GLCCI1: variants seen among roughly 807,000 people sequenced by gnomAD.
GLCCI1 encodes glucocorticoid induced 1.
In GLCCI1, 24 loss-of-function variants were observed where a neutral mutation model predicts 52.2. The ratio of observed to expected loss-of-function variants is 0.46; its 90% CI spans 0.33 to 0.65. The LOEUF (loss-of-function observed/expected upper bound fraction) is 0.65, where lower values mean the gene tolerates loss of function less well. Among genes scored for constraint, GLCCI1 ranks in the 30% least tolerant of loss-of-function variants. GLCCI1 has a pLI of 0.02. For missense variants in GLCCI1, 704 were observed against 701.5 expected (o/e 1.00, Z -0.04); for synonymous variants, 310 against 276.5 (o/e 1.12, Z -1.20).
chr7:7,987,383 G>A (rs1187518216), intron 1 of GLCCI1, among the ~76,000 whole-genome samples: 1 of 152,142 alleles, frequency 6.6e-6, no homozygotes, highest in Non-Finnish European at 1.5e-5. Flanking sequence ...AATATTCAAA[G>A]CACTGTATTT....
intron 6 of GLCCI1, among the ~76,000 whole-genome samples, chr7:8,075,492 A>C (rs1056755398): frequency 6.6e-6 from 1 of 152,196 alleles, no homozygotes; most frequent in Non-Finnish European, 1.5e-5. Context: ...ATCATACCCA[A>C]AATAAAGTTC....
At chr7:8,059,615 T>C (rs1782472033) in intron 4 of GLCCI1, among the ~76,000 whole-genome samples, 1 of 152,228 alleles carries the variant, frequency 6.6e-6, no homozygotes, top group Non-Finnish European at 1.5e-5. Flanking sequence ...CATTACTTAA[T>C]AATCCAACAG....
intron 6 of GLCCI1, among the ~76,000 whole-genome samples, chr7:8,078,290 G>C (rs990575417): frequency 1.4e-5 from 2 of 147,958 alleles, no homozygotes; most frequent in African/African-American, 5.0e-5. Context: ...GCCAAGGAAA[G>C]ATCTTTTGTC....
intron 5 of GLCCI1, among the ~76,000 whole-genome samples, chr7:8,064,462 A>C (rs1021449228): frequency 2.6e-5 from 4 of 152,076 alleles, no homozygotes; most frequent in African/African-American, 7.2e-5. Flanking sequence ...ATTGGTCTAT[A>C]TGTCTGCTTT....
At chr7:8,013,220 G>GT (rs1781305569) in intron 2 of GLCCI1, among the ~76,000 whole-genome samples, 1 of 152,128 alleles carries the variant, frequency 6.6e-6, no homozygotes, top group African/African-American at 2.4e-5. Flanking sequence ...TCTTTTAATA[G>GT]TTTTATGTTT....
chr7:8,019,572 G>C (rs560717622), intron 2 of GLCCI1, among the ~76,000 whole-genome samples: 1 of 152,132 alleles, frequency 6.6e-6, no homozygotes, highest in Admixed American at 6.5e-5. Context: ...CTTCATGAGG[G>C]GGATATGTTT....
intron 1 of GLCCI1, among the ~76,000 whole-genome samples, chr7:7,997,568 A>G (rs898530864): frequency 6.6e-6 from 1 of 152,196 alleles, no homozygotes; most frequent in Non-Finnish European, 1.5e-5. Context: ...TTGAATTAAT[A>G]TGAATAAGTG....
At chr7:7,982,022 G>A in intron 1 of GLCCI1, 1 of 438,102 alleles carries the variant, frequency 2.3e-6, no homozygotes, top group Non-Finnish European at 4.5e-6. Flanking sequence ...CTACGAAGAA[G>A]AAGAAAGCTG....
Position 8,070,479 on chromosome 7 carries a change from GAACA to G in GLCCI1, c.967-437_967-434del, listed in dbSNP as rs1176214669. On this transcript the variant is annotated intron_variant, in intron 5 of 7. Transcript: ENST00000223145. ...TCTAAAAATTAAACTAGGAAGGAAT[GAACA>G]AACAGAAAAATCTGTACCTGTGAAT... The G allele has an allele frequency of 7.7e-5, 12 of 156,538 alleles. No individual in the cohort carries two copies. The East Asian group carries it at 1.7e-3, about 22-fold the overall frequency. 9.7% of individuals were successfully genotyped at this position (156,538 alleles called of 1,614,324 possible).
At position 8,022,558 on chromosome 7, in the gene GLCCI1, C is replaced by A; in HGVS notation, c.685C>A (p.Gln229Lys). Residue 229 changes from glutamine (Q) to lysine (K), a missense_variant, in exon 3 of 8, where the codon CAA (glutamine) becomes AAA (lysine). Around this residue, in one of 3 missense-constraint regions of GLCCI1, gnomAD observed 547 missense variants for 524.8 expected, o/e 1.04. Coordinates refer to ENST00000223145, the MANE Select transcript of GLCCI1 (RefSeq NM_138426.4). ...QRSASWGSAD[Q>K]LKEQIAKLRQ... ...TTCTGCGTCATGGGGGAGTGCTGAT[C>A]AACTAAAAGAGGTAAGTTATTTCTG... is the stretch of plus-strand genomic sequence containing the variant. 1 of 1,566,212 alleles carries A rather than the reference C, an allele frequency of 6.4e-7. No individual in the cohort carries two copies. Among genetic ancestry groups the A allele is most frequent in the South Asian group, 1.2e-5 (1 of 83,616 alleles).
At chr7:8,031,416 C>G (rs563691486) in intron 3 of GLCCI1, among the ~76,000 whole-genome samples, 152 of 151,814 alleles carry the variant, frequency 1.0e-3, no homozygotes, top group African/African-American at 3.4e-3. Context: ...GGGTGGGGAG[C>G]CATGGGGAGG....
intron 6 of GLCCI1, chr7:8,078,851 G>A (rs1339566123): frequency 2.0e-5 from 3 of 152,196 alleles, no homozygotes; most frequent in Non-Finnish European, 4.4e-5. Context: ...GTAAATATTG[G>A]AGATGGAACA....
Position 7,969,826 on chromosome 7 carries a change from C to G in GLCCI1, c.457+19C>G, listed in dbSNP as rs1052251439. 1.4e-6 allele frequency: 2 copies of G among 1,425,708 alleles called. No homozygotes were observed. The highest frequency in any genetic ancestry group is 1.3e-5 in the South Asian group (1 of 76,478). The allele number at this position is 1,425,708 out of a possible 1,614,324, so 88.3% of individuals were successfully genotyped here. A position where few individuals can be genotyped will look rare whatever the true frequency, so the allele number is the denominator to read the frequency against. On this transcript the variant is annotated intron_variant, in intron 1 of 7. Coordinates refer to ENST00000223145, the MANE Select transcript of GLCCI1 (RefSeq NM_138426.4). This position sits in a 1 kb window ranked among gnomAD's most constrained non-coding sequence, Gnocchi z 4.9. The stretch of plus-strand genomic sequence containing the variant: ...TGCAGAGGTAGCGAGCCCAACCCTC[C>G]CGTCCTCCCGGGCTGCGTCTCCCCG...
chr7:8,053,156 G>A (rs1008470435), intron 3 of GLCCI1, among the ~76,000 whole-genome samples: 2 of 151,670 alleles, frequency 1.3e-5, no homozygotes, highest in Non-Finnish European at 2.9e-5. Flanking sequence ...AGTAAGGCCA[G>A]TTTCTGTTTT....
chr7:8,082,329 A>G (rs1401939352), intron 6 of GLCCI1, among the ~76,000 whole-genome samples: 1 of 152,182 alleles, frequency 6.6e-6, no homozygotes, highest in African/African-American at 2.4e-5. Flanking sequence ...AAGAAAAATC[A>G]CAGAATTTTA....
At chr7:8,031,836 T>C (rs1243869774) in intron 3 of GLCCI1, among the ~76,000 whole-genome samples, 1 of 152,010 alleles carries the variant, frequency 6.6e-6, no homozygotes, top group Non-Finnish European at 1.5e-5. Flanking sequence ...ACAATAAAGA[T>C]AACTGAAGAG....
intron 3 of GLCCI1, among the ~76,000 whole-genome samples, chr7:8,046,387 A>G (rs1782127911): frequency 1.3e-5 from 2 of 152,308 alleles, no homozygotes; most frequent in East Asian, 1.9e-4. Flanking sequence ...AGGGGTGGAC[A>G]TGCCTCTTTA....
intron 1 of GLCCI1, among the ~76,000 whole-genome samples, chr7:7,974,352 T>C (rs981448109): frequency 1.3e-5 from 2 of 152,210 alleles, no homozygotes; most frequent in African/African-American, 4.8e-5. Flanking sequence ...ATACCTAGCA[T>C]GTGTAAATCA....
At chr7:8,083,453 C>T (rs1338501182) in intron 6 of GLCCI1, among the ~76,000 whole-genome samples, 1 of 152,098 alleles carries the variant, frequency 6.6e-6, no homozygotes, top group Non-Finnish European at 1.5e-5. Context: ...ATTCAGACCT[C>T]CAATCAGGCT....
Sources: gnomAD v4.1 joint callset for allele counts (sites outside exome capture counted in the v4.1 genomes callset) on GRCh38, gnomAD v4.1.1 for gene constraint, gnomAD v4.1.1 regional missense constraint, Gnocchi (gnomAD v3.1) non-coding constraint, MANE v1.5 for transcripts, NCBI Gene and HGNC (gene_info 2026-07-23, HGNC 2026-07-21) for gene names.